The following TIMM23B variants were observed in gnomAD, a reference collection of about 807,000 sequenced individuals.
TIMM23B encodes the protein mitochondrial import inner membrane translocase subunit Tim23B.
TIMM23B carries 27 observed loss-of-function variants against 27.3 expected under a neutral mutation model. The observed-to-expected ratio is 0.99, with a 90% CI of 0.73 to 1.36. The LOEUF (loss-of-function observed/expected upper bound fraction) is 1.36. Ranked by LOEUF, TIMM23B falls within the 40% of genes most tolerant of loss-of-function variation. The probability of loss-of-function intolerance (pLI) is 0.00; values close to 1 mark genes in which losing one functional copy is unlikely to be tolerated. For missense variants in TIMM23B, 205 were observed against 244.2 expected (o/e 0.84, Z 1.07); for synonymous variants, 73 against 92.4 (o/e 0.79, Z 1.21).
chr10:49,966,163 G>A (rs1187608805), intron 6 of TIMM23B, among the ~76,000 whole-genome samples: 1 of 143,914 alleles, frequency 6.9e-6, no homozygotes, highest in Non-Finnish European at 1.5e-5. Context: ...AGCTTGCGCG[G>A]TAGAGTGAGT....
chr10:49,965,461 C>T (rs2132051688), intron 6 of TIMM23B, among the ~76,000 whole-genome samples: 1 of 145,832 alleles, frequency 6.9e-6, no homozygotes, highest in African/African-American at 2.5e-5. Context: ...TAATGAAATG[C>T]CGGGTGTGGT....
chr10:49,957,680 G>C (rs1453532294), intron 5 of TIMM23B, among the ~76,000 whole-genome samples: 1 of 152,162 alleles, frequency 6.6e-6, no homozygotes, highest in African/African-American at 2.4e-5. Context: ...CTCCTGACAC[G>C]TGGGTGAGTT....
intron 6 of TIMM23B, among the ~76,000 whole-genome samples, chr10:49,965,666 A>C (rs1564688540): frequency 6.8e-6 from 1 of 147,290 alleles, no homozygotes; most frequent in Non-Finnish European, 1.5e-5. Flanking sequence ...AATGAAATGA[A>C]ACAAATGAAA....
chr10:49,971,881 A>G lies in TIMM23B; in HGVS notation c.515-1131A>G, dbSNP rs1554856652. ...AACTGCAGCTTAGGTTTTTATATTC[A>G]AGACAAGCAGAGGTATAGCTGAAAA... On this transcript the variant is annotated intron_variant, in intron 6 of 6. Transcript: ENST00000651259. 2.0e-5 allele frequency among the ~76,000 whole-genome samples: 3 copies of G among 152,196 alleles called. 1 individual carries two copies. Among genetic ancestry groups the G allele is most frequent in the Non-Finnish European group, 4.4e-5 (3 of 68,026 alleles).
intron 4 of TIMM23B, among the ~76,000 whole-genome samples, chr10:49,954,733 CTTATTATTA>C (rs1262233769): frequency 9.7e-4 from 140 of 145,034 alleles, no homozygotes; most frequent in African/African-American, 2.8e-3. Context: ...AAGAGTTTTC[CTTATTATTA>C]TTATTATTAT....
Position 49,959,564 on chromosome 10 carries a change from C to T in TIMM23B, c.514+1084C>T, listed in dbSNP as rs1262902889. On this transcript the variant is annotated intron_variant, in intron 6 of 6. Transcript: ENST00000651259. ...TATTTTTATCAAAATAATCCACATA[C>T]GTGATTTTTTAAGTCAAGGTTTTTA... Among the ~76,000 whole-genome samples, 508 of 152,126 alleles carry T rather than the reference C, an allele frequency of 3.3e-3. 3 individuals carry two copies. Among genetic ancestry groups the T allele is most frequent in the African/African-American group, 0.011 (472 of 41,486 alleles).
chr10:49,951,461 G>T (rs1839526778), intron 2 of TIMM23B, among the ~76,000 whole-genome samples: 1 of 151,806 alleles, frequency 6.6e-6, no homozygotes, highest in South Asian at 2.1e-4. Context: ...TTTTCATAAA[G>T]GTGCATTGAC....
At chr10:49,951,254 G>A (rs1839518706) in intron 2 of TIMM23B, among the ~76,000 whole-genome samples, 3 of 152,206 alleles carry the variant, frequency 2.0e-5, no homozygotes, top group Non-Finnish European at 4.4e-5. Context: ...CCACAAGGAT[G>A]TAGGAGAATG....
intron 5 of TIMM23B, among the ~76,000 whole-genome samples, chr10:49,956,426 C>CATGTGTGTGT (rs376246715): frequency 8.8e-6 from 1 of 113,854 alleles, no homozygotes; most frequent in Non-Finnish European, 2.0e-5. Context: ...ACTAGAAATA[C>CATGTGTGTGT]GTGTGTGTGT....
At chr10:49,956,887 A>G (rs1839743894) in intron 5 of TIMM23B, among the ~76,000 whole-genome samples, 1 of 147,460 alleles carries the variant, frequency 6.8e-6, no homozygotes, top group Admixed American at 6.8e-5. Flanking sequence ...AAAAAAAAAC[A>G]GTTTTTCCTC....
intron 2 of TIMM23B, among the ~76,000 whole-genome samples, chr10:49,945,804 C>T (rs1157985006): frequency 3.3e-5 from 5 of 152,040 alleles, no homozygotes; most frequent in African/African-American, 9.7e-5. Flanking sequence ...ATAAAGCAAT[C>T]AAGGAAAGAA....
At position 49,942,279 on chromosome 10, in the gene TIMM23B, G is replaced by A. The variant is rs1839138833; in HGVS notation, c.85G>A (p.Ala29Thr). The A allele has an allele frequency of 6.8e-6, 11 of 1,612,160 alleles. No individual in the cohort carries two copies. Among genetic ancestry groups the A allele is most frequent in the Admixed American group, 3.3e-5 (2 of 59,844 alleles). The change falls in exon 1 of 7, where the codon GCG becomes ACG. Residue 29 changes from alanine to threonine, a missense_variant. Transcript: ENST00000651259. ...FGAGEAGYSH[A>T]DLAGVPLTGM... is the part of the protein sequence containing the mutation. ...AGCCGGCGAAGCAGGTTACTCGCAC[G>A]CGGATTTGGCTGGCGTCCCGCGTAA...
At chr10:49,948,356 C>G (rs1363906524) in intron 2 of TIMM23B, among the ~76,000 whole-genome samples, 2 of 152,046 alleles carry the variant, frequency 1.3e-5, no homozygotes, top group African/African-American at 4.8e-5. Context: ...CTGGCAATTT[C>G]ACTTGCGTAT....
chr10:49,970,686 C>T (rs1840398763), intron 6 of TIMM23B, among the ~76,000 whole-genome samples: 1 of 147,458 alleles, frequency 6.8e-6, no homozygotes, highest in South Asian at 2.2e-4. Flanking sequence ...CCTGCCCCGC[C>T]AGCCACCCCA....
intron 2 of TIMM23B, among the ~76,000 whole-genome samples, chr10:49,950,158 A>G (rs1839479345): frequency 6.6e-6 from 1 of 151,522 alleles, no homozygotes. Flanking sequence ...TTTAACATCC[A>G]TAGTGTTAAA....
intron 1 of TIMM23B, among the ~76,000 whole-genome samples, chr10:49,944,748 G>A (rs1201203835): frequency 2.0e-4 from 30 of 152,150 alleles, no homozygotes; most frequent in Non-Finnish European, 3.8e-4. Flanking sequence ...TAAATGGCCT[G>A]GACTACACTT....
At chr10:49,968,497 GA>G (rs1840268120) in intron 6 of TIMM23B, among the ~76,000 whole-genome samples, 1 of 147,908 alleles carries the variant, frequency 6.8e-6, no homozygotes, top group African/African-American at 2.4e-5. Context: ...CTGCCTTTCA[GA>G]GGCAAGAATA....
chr10:49,958,638 A>G (rs1261520471), intron 6 of TIMM23B, among the ~76,000 whole-genome samples, 158 bp downstream of exon 6: 1 of 152,240 alleles, frequency 6.6e-6, no homozygotes, highest in Non-Finnish European at 1.5e-5. Context: ...GTGGTAAAAT[A>G]TGAGATTTAC....
chr10:49,955,831 C>G lies in TIMM23B; in HGVS notation c.403+771C>G, dbSNP rs1165234432. On this transcript the variant is annotated intron_variant, in intron 5 of 6. Transcript: ENST00000651259. ...AGAATTTGGAAGCAGTACATCTTCA[C>G]ACTGTAAAGCCAGTTTTCACACTTT... Among the ~76,000 whole-genome samples, 3 of 152,300 alleles carry G rather than the reference C, an allele frequency of 2.0e-5. No individual in the cohort carries two copies. The South Asian group carries it at 6.2e-4, about 32-fold the overall frequency.
Sources: gnomAD v4.1 joint callset for allele counts (sites outside exome capture counted in the v4.1 genomes callset) on GRCh38, gnomAD v4.1.1 for gene constraint, MANE v1.5 for transcripts, NCBI Gene and HGNC (gene_info 2026-07-23, HGNC 2026-07-21) for gene names.